The following PRR16 variants were observed in gnomAD, a reference collection of about 807,000 sequenced individuals.
PRR16 encodes proline rich 16.
PRR16 carries 6 observed loss-of-function variants against 18.2 expected under a neutral mutation model. That is an observed-to-expected ratio of 0.33 (90% confidence interval 0.18 to 0.65). The LOEUF (loss-of-function observed/expected upper bound fraction) is 0.65, where lower values mean the gene tolerates loss of function less well. Among genes scored for constraint, PRR16 ranks in the 30% least tolerant of loss-of-function variants. The pLI, the probability that PRR16 is intolerant of heterozygous loss-of-function variation, is 0.74. For synonymous variants in PRR16, 151 were observed against 147.8 expected (o/e 1.02, Z -0.16); for missense variants, 412 against 376.6 (o/e 1.09, Z -0.78).
At chr5:120,681,493 T>G (rs1011192815) in intron 1 of PRR16, among the ~76,000 whole-genome samples, 1 of 152,182 alleles carries the variant, frequency 6.6e-6, no homozygotes, top group African/African-American at 2.4e-5. Context: ...TCTTACCCTG[T>G]CCCAAATTAG....
chr5:120,666,273 G>C (rs1454054220), intron 1 of PRR16, among the ~76,000 whole-genome samples: 1 of 152,214 alleles, frequency 6.6e-6, no homozygotes, highest in South Asian at 2.1e-4. Flanking sequence ...TGTTATTGGT[G>C]TATAAGAATG....
At chr5:120,502,992 T>C (rs1310684257) in intron 1 of PRR16, among the ~76,000 whole-genome samples, 1 of 152,214 alleles carries the variant, frequency 6.6e-6, no homozygotes, top group Non-Finnish European at 1.5e-5. Flanking sequence ...AAGATTTTTT[T>C]CTGTTCGCAA....
rs569648588 is a variant in PRR16, at chr5:120,661,453, A to G, written c.160-24501A>G. ...TATTGGAACACGTTGTATAATTTAA[A>G]TGGCCAAATTCAGTAGTTTATTCCT... is the stretch of plus-strand genomic sequence containing the variant. On this transcript the variant is annotated intron_variant, in intron 1 of 1. Coordinates refer to ENST00000407149, the MANE Select transcript of PRR16 (RefSeq NM_001300783.2). Among the ~76,000 whole-genome samples, 3 of 152,234 alleles carry G rather than the reference A, an allele frequency of 2.0e-5. No homozygotes were observed. The East Asian group carries it at 5.8e-4, about 29-fold the overall frequency.
intron 1 of PRR16, among the ~76,000 whole-genome samples, chr5:120,539,367 A>G (rs531140107): frequency 6.6e-6 from 1 of 151,840 alleles, no homozygotes; most frequent in African/African-American, 2.4e-5. Context: ...CAACAAAGAA[A>G]CCAAAGCCAA....
At chr5:120,679,173 T>G (rs1756899167) in intron 1 of PRR16, among the ~76,000 whole-genome samples, 1 of 152,184 alleles carries the variant, frequency 6.6e-6, no homozygotes, top group Admixed American at 6.5e-5. Context: ...TCTCTTTGTT[T>G]CACTGTGATT....
At chr5:120,701,062 C>A in the PRR16 span, among the ~76,000 whole-genome samples, 1 of 152,206 alleles carries the variant, frequency 6.6e-6, no homozygotes, top group East Asian at 1.9e-4. Context: ...TAGCAAGCTC[C>A]TGTGGGAGGA....
chr5:120,601,540 C>A (rs900385141), intron 1 of PRR16, among the ~76,000 whole-genome samples: 26 of 151,852 alleles, frequency 1.7e-4, no homozygotes, highest in African/African-American at 5.8e-4. Context: ...TTGATAGTTT[C>A]TTTGCTGTGC....
intron 1 of PRR16, among the ~76,000 whole-genome samples, chr5:120,555,968 T>C (rs1561544332): frequency 6.6e-6 from 1 of 151,870 alleles, no homozygotes; most frequent in Non-Finnish European, 1.5e-5. Context: ...GGACAGAAGT[T>C]GTATGTCAGC....
intron 1 of PRR16, among the ~76,000 whole-genome samples, chr5:120,576,185 A>G (rs1204971379): frequency 6.6e-6 from 1 of 152,230 alleles, no homozygotes; most frequent in Non-Finnish European, 1.5e-5. Flanking sequence ...TCTTCTGCCC[A>G]AGAAAGAAAA....
chr5:120,696,779 A>G, the PRR16 span, among the ~76,000 whole-genome samples: 1 of 152,206 alleles, frequency 6.6e-6, no homozygotes, highest in East Asian at 1.9e-4. Flanking sequence ...AACAAAATTA[A>G]GAAATATACA....
the PRR16 span, among the ~76,000 whole-genome samples, chr5:120,785,102 A>G: frequency 6.6e-6 from 1 of 152,248 alleles, no homozygotes; most frequent in African/African-American, 2.4e-5. Context: ...TGACTACAGT[A>G]GGCCACACTT....
the PRR16 span, among the ~76,000 whole-genome samples, chr5:120,717,680 A>G: frequency 6.6e-6 from 1 of 152,130 alleles, no homozygotes; most frequent in Non-Finnish European, 1.5e-5. Flanking sequence ...GCATTGTGCT[A>G]TATTTTCTTT....
chr5:120,703,697 G>A, the PRR16 span, among the ~76,000 whole-genome samples: 5 of 152,126 alleles, frequency 3.3e-5, no homozygotes, highest in Admixed American at 1.3e-4. Flanking sequence ...AGAGATTGGA[G>A]TGAGATTTGA....
chr5:120,648,361 G>C (rs72794336), intron 1 of PRR16, among the ~76,000 whole-genome samples: 4 of 151,754 alleles, frequency 2.6e-5, no homozygotes, highest in Admixed American at 1.3e-4. Context: ...AATAAATAAG[G>C]ATTCAAGCCT....
intron 1 of PRR16, among the ~76,000 whole-genome samples, chr5:120,596,583 G>T (rs1398089101): frequency 2.0e-5 from 3 of 151,424 alleles, no homozygotes; most frequent in African/African-American, 7.3e-5. Flanking sequence ...TATATCAATT[G>T]CCCAACTTAA....
intron 1 of PRR16, among the ~76,000 whole-genome samples, chr5:120,650,590 G>A (rs1755748101): frequency 6.8e-6 from 1 of 147,468 alleles, no homozygotes; most frequent in Non-Finnish European, 1.5e-5. Context: ...TTGGTTTTTT[G>A]TCCTTGCGAT....
intron 1 of PRR16, among the ~76,000 whole-genome samples, chr5:120,651,590 T>C (rs1161041524): frequency 6.6e-6 from 1 of 152,208 alleles, no homozygotes; most frequent in Non-Finnish European, 1.5e-5. Context: ...CAGGGAATCA[T>C]TTCCCCATTT....
At chr5:120,483,312 T>C (rs920713694) in intron 1 of PRR16, among the ~76,000 whole-genome samples, 2 of 152,190 alleles carry the variant, frequency 1.3e-5, no homozygotes, top group African/African-American at 4.8e-5. Flanking sequence ...TAAAGCCTTC[T>C]TATAAATCTA....
the PRR16 span, among the ~76,000 whole-genome samples, chr5:120,775,424 C>G: frequency 6.6e-6 from 1 of 151,952 alleles, no homozygotes; most frequent in Non-Finnish European, 1.5e-5. Context: ...CATTCTACAC[C>G]CTAAATAATA....
Sources: gnomAD v4.1 joint callset for allele counts (sites outside exome capture counted in the v4.1 genomes callset) on GRCh38, gnomAD v4.1.1 for gene constraint, MANE v1.5 for transcripts, NCBI Gene and HGNC (gene_info 2026-07-23, HGNC 2026-07-21) for gene names.